The following ZNF175 variants were observed in gnomAD, a reference collection of about 807,000 sequenced individuals.
ZNF175 encodes zinc finger protein 175.
In ZNF175, 8 loss-of-function variants were observed where a neutral mutation model predicts 14.0. That is an observed-to-expected ratio of 0.57 (90% CI 0.34 to 1.03). The LOEUF (loss-of-function observed/expected upper bound fraction) is 1.03, where lower values mean the gene tolerates loss of function less well. ZNF175 is among the 50% of genes least tolerant of loss of function. The pLI is 0.03. For synonymous variants in ZNF175, 255 were observed against 296.8 expected (o/e 0.86, Z 1.45); for missense variants, 764 against 849.5 (o/e 0.90, Z 1.25).
At position 51,587,580 on chromosome 19, in the gene ZNF175, A is replaced by G. The variant is rs990795735; in HGVS notation, c.1249A>G (p.Arg417Gly). The change falls in exon 5 of 5, where the codon AGA becomes GGA. Residue 417 changes from arginine to glycine, a missense_variant. Coordinates refer to ENST00000262259, the MANE Select transcript of ZNF175 (RefSeq NM_007147.4). Reference sequence around the variant, plus strand: ...ACATCAGAAAATTCATACTGGTGAGAGACAGTATGCATGCAGTGAATGTGG... The same window carrying G: ...ACATCAGAAAATTCATACTGGTGAGGGACAGTATGCATGCAGTGAATGTGG... The part of the protein sequence containing the change: ...IIHQKIHTGE[R>G]QYACSECGKA... 3.1e-6 allele frequency: 5 copies of G among 1,614,086 alleles called. No individual in the cohort carries two copies. The African/African-American group carries it at 4.0e-5, about 13-fold the overall frequency.
Position 51,573,293 on chromosome 19 carries a change from C to A in ZNF175, c.-37C>A. The A allele has an allele frequency of 1.2e-6, 2 of 1,608,430 alleles. No homozygotes were observed. The highest frequency in any genetic ancestry group is 1.1e-5 in the South Asian group (1 of 90,566). On this transcript the variant is annotated 5_prime_UTR_variant, in exon 2 of 5. Coordinates refer to ENST00000262259, the MANE Select transcript of ZNF175 (RefSeq NM_007147.4). ...TGGCTCCTGGGAAAAGTGGAGTTGT[C>A]AGCAAGAGAGACCGAGAGTAGAAGC...
rs539171450 is a variant in ZNF175, at chr19:51,571,309, G to A, written c.-347G>A. ...ACCATTTAGCTTCTGTTGTTAAGTGGATCTAAGCCTATGTCGCTTACTGGA... is the reference window on the plus strand; with the variant it reads ...ACCATTTAGCTTCTGTTGTTAAGTGAATCTAAGCCTATGTCGCTTACTGGA... On this transcript the variant is annotated 5_prime_UTR_variant, in exon 1 of 5. Transcript: ENST00000262259. 2.6e-5 allele frequency: 4 copies of A among 152,110 alleles called. No individual in the cohort carries two copies. Among genetic ancestry groups the A allele is most frequent in the South Asian group, 2.1e-4 (1 of 4,806 alleles). The allele number at this position is 152,110 out of a possible 1,614,324, so 9.4% of individuals were successfully genotyped here.
chr19:51,585,029 A>C (rs1982122665), intron 4 of ZNF175, among the ~76,000 whole-genome samples: 1 of 152,138 alleles, frequency 6.6e-6, no homozygotes, highest in African/African-American at 2.4e-5. Flanking sequence ...CTGTTTGTAC[A>C]CTCTTGTTCA....
chr19:51,582,491 G>A (rs1294476438), intron 4 of ZNF175, among the ~76,000 whole-genome samples: 1 of 152,156 alleles, frequency 6.6e-6, no homozygotes, highest in Non-Finnish European at 1.5e-5. Flanking sequence ...TAGAGACAGG[G>A]TTTCACCCTG....
Position 51,589,801 on chromosome 19 carries a change from A to T in ZNF175, c.*1334A>T. The T allele has an allele frequency of 1.8e-6, 1 of 560,708 alleles. No homozygotes were observed. Among genetic ancestry groups the T allele is most frequent in the East Asian group, 2.8e-5 (1 of 35,388 alleles). 34.7% of individuals were successfully genotyped at this position (560,708 alleles called of 1,614,324 possible). The stretch of plus-strand genomic sequence containing the variant: ...GAATTGAGTAGTTTTGGCGGAGATC[A>T]AATAGCCCCCAAGCTGGAAACTGAA... On this transcript the variant is annotated 3_prime_UTR_variant, in exon 5 of 5. Transcript: ENST00000262259.
intron 4 of ZNF175, among the ~76,000 whole-genome samples, chr19:51,585,245 C>T (rs553219151): frequency 6.6e-6 from 1 of 152,292 alleles, no homozygotes; most frequent in South Asian, 2.1e-4. Context: ...ATCATTCTAC[C>T]TGTATGAGGT....
intron 4 of ZNF175, among the ~76,000 whole-genome samples, chr19:51,583,710 G>A (rs1982084687): frequency 6.6e-6 from 1 of 152,120 alleles, no homozygotes; most frequent in Non-Finnish European, 1.5e-5. Context: ...TTCCTACTGT[G>A]TAGGATTAAC....
chr19:51,580,613 T>C (rs537984380), intron 2 of ZNF175, among the ~76,000 whole-genome samples: 1 of 152,316 alleles, frequency 6.6e-6, no homozygotes, highest in South Asian at 2.1e-4. Flanking sequence ...AATCCTGAAA[T>C]GGCAGTCCGT....
chr19:51,584,284 C>G (rs1047763880), intron 4 of ZNF175, among the ~76,000 whole-genome samples: 10 of 152,168 alleles, frequency 6.6e-5, no homozygotes, highest in African/African-American at 2.4e-4. Flanking sequence ...GTACCTATAA[C>G]TGGTTCAAGA....
chr19:51,574,913 T>G (rs1981720394), intron 2 of ZNF175, among the ~76,000 whole-genome samples: 1 of 152,180 alleles, frequency 6.6e-6, no homozygotes, highest in Non-Finnish European at 1.5e-5. Context: ...CTAATTCAGA[T>G]TTTCCATCAG....
intron 4 of ZNF175, among the ~76,000 whole-genome samples, chr19:51,585,291 T>C (rs919698656): frequency 6.6e-6 from 1 of 152,168 alleles, no homozygotes; most frequent in Middle Eastern, 3.2e-3. Flanking sequence ...CAGAATAAGA[T>C]TGTGGCTGCC....
Position 51,588,415 on chromosome 19 carries a change from G to A in ZNF175, c.2084G>A (p.Arg695Lys), listed in dbSNP as rs1180691299. The A allele has an allele frequency of 6.3e-7, 1 of 1,595,206 alleles. No homozygotes were observed. Among genetic ancestry groups the A allele is most frequent in the Non-Finnish European group, 8.5e-7 (1 of 1,173,276 alleles). Residue 695 changes from arginine (R) to lysine (K), a missense_variant, in exon 5 of 5, where the codon AGA becomes AAA. Physicochemically the swap from Arg to Lys is conservative, Grantham distance 26. Transcript: ENST00000262259. ...AATAAACACCAAACAACTCATACCAGAGACAAATCTTACAAATGCAGTTAT... is the reference window on the plus strand; with the variant it reads ...AATAAACACCAAACAACTCATACCAAAGACAAATCTTACAAATGCAGTTAT... Reference protein sequence around the residue: ...NFNKHQTTHTRDKSYKCSYSV... With the variant: ...NFNKHQTTHTKDKSYKCSYSV...
Position 51,588,326 on chromosome 19 carries a change from CACG to C in ZNF175, c.1996_1998del (p.Thr666del). On this transcript the variant is annotated inframe_deletion, in exon 5 of 5. Transcript: ENST00000262259. ...AACTCAAGGTGCATCAGCGAATTCA[CACG>C]GGAGAAAGACCTTATGTGTGTTCTG... The C allele has an allele frequency of 1.9e-6, 3 of 1,614,158 alleles. No individual in the cohort carries two copies. The South Asian group carries it at 3.3e-5, about 18-fold the overall frequency.
rs781420380 is a variant in ZNF175, at chr19:51,587,983, G to T, written c.1652G>T (p.Arg551Ile). ...AAGTCAATACTCAGCATGCATCAGAGAATTCACACCGGAGAGAAGCCTTAC... is the reference window on the plus strand; with the variant it reads ...AAGTCAATACTCAGCATGCATCAGATAATTCACACCGGAGAGAAGCCTTAC... Reference protein sequence around the residue: ...NQKSILSMHQRIHTGEKPYKC... With the variant: ...NQKSILSMHQIIHTGEKPYKC... The change falls in exon 5 of 5, where the codon AGA becomes ATA. Residue 551 changes from arginine to isoleucine, a missense_variant. Arg to Ile is a moderately conservative substitution (Grantham distance 97). Transcript: ENST00000262259. 1 of 1,614,080 alleles carries T rather than the reference G, an allele frequency of 6.2e-7. No homozygotes were observed. The highest frequency in any genetic ancestry group is 1.1e-5 in the South Asian group (1 of 91,076).
At chr19:51,577,815 C>T (rs1308005599) in intron 2 of ZNF175, among the ~76,000 whole-genome samples, 7 of 152,014 alleles carry the variant, frequency 4.6e-5, no homozygotes, top group Non-Finnish European at 1.0e-4. Context: ...AGGCGCCCGC[C>T]ACCACACCAA....
At chr19:51,576,714 C>T (rs1981800852) in intron 2 of ZNF175, among the ~76,000 whole-genome samples, 1 of 152,202 alleles carries the variant, frequency 6.6e-6, no homozygotes, top group Admixed American at 6.5e-5. Context: ...GCTGTCTTCT[C>T]ATGGTGCTGT....
chr19:51,581,509 T>G lies in ZNF175; in HGVS notation c.191T>G (p.Phe64Cys). Residue 64 changes from phenylalanine to cysteine, a missense_variant, in exon 3 of 5, where the codon TTC becomes TGC. Phe to Cys is a radical substitution (Grantham distance 205, BLOSUM62 -2). Transcript: ENST00000262259. The part of the protein sequence containing the change: ...DVMLELYSHL[F>C]AVGYHIPNPE... ...ATGCTGGAGCTCTATAGCCATCTCTTCGCAGTGGGTGAGCACAACTGACCT... is the reference window on the plus strand; with the variant it reads ...ATGCTGGAGCTCTATAGCCATCTCTGCGCAGTGGGTGAGCACAACTGACCT... 1 of 1,613,034 alleles carries G rather than the reference T, an allele frequency of 6.2e-7. No homozygotes were observed. Among genetic ancestry groups the G allele is most frequent in the South Asian group, 1.1e-5 (1 of 90,974 alleles).
At chr19:51,583,802 T>A (rs1210588796) in intron 4 of ZNF175, among the ~76,000 whole-genome samples, 2 of 152,242 alleles carry the variant, frequency 1.3e-5, no homozygotes, top group Admixed American at 6.5e-5. Context: ...TCACTCATGC[T>A]CTGCTCCATT....
chr19:51,584,583 T>C (rs1284332743), intron 4 of ZNF175, among the ~76,000 whole-genome samples: 1 of 152,158 alleles, frequency 6.6e-6, no homozygotes, highest in African/African-American at 2.4e-5. Context: ...AGTGGAAGAT[T>C]GCCAGAATAA....
Sources: allele counts gnomAD v4.1 joint callset (sites outside exome capture counted in the v4.1 genomes callset), GRCh38; gene constraint gnomAD v4.1.1; transcripts MANE v1.5; gene names NCBI Gene and HGNC (gene_info 2026-07-23, HGNC 2026-07-21).